The following EPS8 variants were observed in gnomAD, a reference collection of about 807,000 sequenced individuals.
EPS8 encodes the protein EGFR pathway substrate 8, signaling adaptor.
Under a neutral mutation model 103.8 loss-of-function variants are expected in EPS8, and 42 were observed. The ratio of observed to expected loss-of-function variants is 0.40; its 90% CI spans 0.32 to 0.52. EPS8 has a LOEUF of 0.52. Ranked by LOEUF, EPS8 falls within the 20% of genes least tolerant of loss-of-function variation. EPS8 has a pLI of 0.40. For synonymous variants in EPS8, 344 were observed against 344.6 expected (o/e 1.00, Z 0.02); for missense variants, 969 against 1,005.1 (o/e 0.96, Z 0.49).
intron 1 of EPS8, among the ~76,000 whole-genome samples, chr12:15,694,074 G>GAAACA (rs1446716263): frequency 6.6e-6 from 1 of 152,142 alleles, no homozygotes; most frequent in Non-Finnish European, 1.5e-5. Context: ...TTCAAAAAAT[G>GAAACA]AAACAAATGT....
At chr12:15,667,860 TC>T (rs1199719026) in intron 6 of EPS8, among the ~76,000 whole-genome samples, 2 of 152,132 alleles carry the variant, frequency 1.3e-5, no homozygotes, top group Non-Finnish European at 2.9e-5. Flanking sequence ...AAAACTATAT[TC>T]AGTAAATACA....
chr12:15,678,311 T>C, intron 3 of EPS8, among the ~76,000 whole-genome samples: 1 of 152,194 alleles, frequency 6.6e-6, no homozygotes, highest in South Asian at 2.1e-4. Flanking sequence ...GTACTGTGTG[T>C]ATGTCTTTGT....
At position 15,725,036 on chromosome 12, in the gene EPS8, C is replaced by A. The variant is rs1167855491; in HGVS notation, c.-21-42064G>T. Among the ~76,000 whole-genome samples, 1 of 152,004 alleles carries A rather than the reference C, an allele frequency of 6.6e-6. No homozygotes were observed. The highest frequency in any genetic ancestry group is 1.5e-5 in the Non-Finnish European group (1 of 67,980). On this transcript the variant is annotated intron_variant, in intron 1 of 20. Transcript: ENST00000281172. This position sits in a 1 kb window ranked among gnomAD's most constrained non-coding sequence, Gnocchi z 4.5. ...TTATGTCACAATGAAAAAAATTCAACATCCACAGATCACTCACTCCTAGGT... is the reference window on the plus strand; with the variant it reads ...TTATGTCACAATGAAAAAAATTCAAAATCCACAGATCACTCACTCCTAGGT...
At chr12:15,672,936 T>C (rs751389050) in intron 3 of EPS8, among the ~76,000 whole-genome samples, 70 of 152,188 alleles carry the variant, frequency 4.6e-4, no homozygotes, top group Non-Finnish European at 7.9e-4. Flanking sequence ...GATGTTCAAA[T>C]GCTTTGTCTT....
intron 16 of EPS8, among the ~76,000 whole-genome samples, chr12:15,641,190 GT>G (rs1398615752): frequency 6.6e-6 from 1 of 152,038 alleles, no homozygotes; most frequent in Non-Finnish European, 1.5e-5. Flanking sequence ...GAAAGAAAAA[GT>G]ATATAAAAAT....
chr12:15,635,876 G>T (rs1945125506), intron 17 of EPS8, among the ~76,000 whole-genome samples: 1 of 152,080 alleles, frequency 6.6e-6, no homozygotes, highest in African/African-American at 2.4e-5. Context: ...GAAACGTTTT[G>T]TTGAATTCAC....
intron 17 of EPS8, among the ~76,000 whole-genome samples, chr12:15,636,131 G>C (rs116639804): frequency 0.014 from 2,146 of 152,218 alleles, 50 homozygotes; most frequent in African/African-American, 0.049. Context: ...AGAGGTCAGA[G>C]AATCAAGTCA....
intron 1 of EPS8, among the ~76,000 whole-genome samples, chr12:15,715,709 G>A (rs370280845): frequency 2.0e-5 from 3 of 151,796 alleles, no homozygotes; most frequent in Non-Finnish European, 1.5e-5. Flanking sequence ...GGCTGGTCTC[G>A]AAATCCTGAC....
rs1394907904 is a variant in EPS8 at position 15,706,830 on chromosome 12, C to G, written c.-21-23858G>C. Among the ~76,000 whole-genome samples, 3 of 151,934 alleles carry G rather than the reference C, an allele frequency of 2.0e-5. No homozygotes were observed. Among genetic ancestry groups the G allele is most frequent in the Non-Finnish European group, 4.4e-5 (3 of 67,984 alleles). ...CAACCTACTCTATTGTCTATGTGTA[C>G]AAGTTTTTTTTCTATTTTACATACT... On this transcript the variant is annotated intron_variant, in intron 1 of 20. Transcript: ENST00000281172. The surrounding 1 kb of genome is among the most constrained non-coding windows in gnomAD (Gnocchi z 5.2).
Position 15,623,203 on chromosome 12 carries a change from C to G in EPS8, c.2310G>C (p.Gly770=). The G allele has an allele frequency of 6.2e-7, 1 of 1,613,402 alleles. No individual in the cohort carries two copies. The highest frequency in any genetic ancestry group is 8.5e-7 in the Non-Finnish European group (1 of 1,179,692). ...KDELRTVCPE[G]ARVYSQITVQ... ...CAGTGATTTGGCTATAGACTCTCGC[C>G]CCTTCAGGGCAGACTGTCCTCAGTT... The change falls in exon 20 of 21, where the codon GGG becomes GGC. Residue 770 remains glycine, a synonymous_variant. Coordinates refer to ENST00000281172, the MANE Select transcript of EPS8 (RefSeq NM_004447.6).
chr12:15,741,480 G>A (rs1946822291), intron 1 of EPS8, among the ~76,000 whole-genome samples: 1 of 152,166 alleles, frequency 6.6e-6, no homozygotes, highest in Non-Finnish European at 1.5e-5. Flanking sequence ...GGTAGAAGGG[G>A]AAAGTGACTT....
chr12:15,695,004 T>C lies in EPS8; in HGVS notation c.-21-12032A>G, dbSNP rs1946224133. ...AATGCTCATTAAGTATTTTATTATG[T>C]CAGCCACTGTGCAAGCACTTTACAT... is the stretch of plus-strand genomic sequence containing the variant. On this transcript the variant is annotated intron_variant, in intron 1 of 20. Transcript: ENST00000281172. The surrounding 1 kb of genome is among the most constrained non-coding windows in gnomAD (Gnocchi z 5.0). 6.6e-6 allele frequency among the ~76,000 whole-genome samples: 1 copy of C among 152,198 alleles called. No individual in the cohort carries two copies.
At chr12:15,722,086 A>G (rs1946602498) in intron 1 of EPS8, among the ~76,000 whole-genome samples, 1 of 151,872 alleles carries the variant, frequency 6.6e-6, no homozygotes, top group Non-Finnish European at 1.5e-5. Context: ...TTCTCATTGA[A>G]GCCTTCTACA....
chr12:15,682,875 A>G lies in EPS8; in HGVS notation c.59+18T>C. 1 of 1,305,550 alleles carries G rather than the reference A, an allele frequency of 7.7e-7. No individual in the cohort carries two copies. The highest frequency in any genetic ancestry group is 1.1e-6 in the Non-Finnish European group (1 of 915,348). The allele number at this position is 1,305,550 out of a possible 1,614,324, so 80.9% of individuals were successfully genotyped here. A position where few individuals can be genotyped will look rare whatever the true frequency, so the allele number is the denominator to read the frequency against. On this transcript the variant is annotated intron_variant, in intron 2 of 20. Coordinates refer to ENST00000281172, the MANE Select transcript of EPS8 (RefSeq NM_004447.6). ...CAAATTCCCCCAAAACATATTAAAT[A>G]TAAACTTTTCAACTTACTTCATCTG...
intron 1 of EPS8, among the ~76,000 whole-genome samples, chr12:15,770,572 T>C (rs557707696): frequency 6.6e-6 from 1 of 152,302 alleles, no homozygotes; most frequent in South Asian, 2.1e-4. Flanking sequence ...CTTTTTATTC[T>C]AAGAGCTCAG....
rs1188509409 is a variant in EPS8, at chr12:15,762,426, G to A, written c.-22+26735C>T. Among the ~76,000 whole-genome samples the A allele has an allele frequency of 1.3e-5, 2 of 152,116 alleles. No homozygotes were observed. Among genetic ancestry groups the A allele is most frequent in the East Asian group, 3.9e-4 (2 of 5,194 alleles). ...AGCTACATTATGATCCAGCAATCGC[G>A]CTGCTAGGTATAGACCCAAAAGAAA... On this transcript the variant is annotated intron_variant, in intron 1 of 20. Coordinates refer to ENST00000281172, the MANE Select transcript of EPS8 (RefSeq NM_004447.6). This position sits in a 1 kb window ranked among gnomAD's most constrained non-coding sequence, Gnocchi z 4.8.
chr12:15,776,274 G>A lies in EPS8; in HGVS notation c.-22+12887C>T, dbSNP rs913985061. On this transcript the variant is annotated intron_variant, in intron 1 of 20. Transcript: ENST00000281172. This position sits in a 1 kb window ranked among gnomAD's most constrained non-coding sequence, Gnocchi z 4.2. ...AGAAGCTTTTAAATGTAATTTTGGG[G>A]GGAAATAATACACTTCTGGCTGAAC... Among the ~76,000 whole-genome samples, 1 of 152,108 alleles carries A rather than the reference G, an allele frequency of 6.6e-6. No individual in the cohort carries two copies. Among genetic ancestry groups the A allele is most frequent in the African/African-American group, 2.4e-5 (1 of 41,426 alleles).
chr12:15,634,902 AC>A (rs1945109707), intron 17 of EPS8: 1 of 391,590 alleles, frequency 2.6e-6, no homozygotes, highest in Non-Finnish European at 4.5e-6. Context: ...CCCACAATCA[AC>A]CAGTGAAGGA....
chr12:15,644,712 A>C (rs987763888), intron 15 of EPS8, among the ~76,000 whole-genome samples: 6 of 152,156 alleles, frequency 3.9e-5, no homozygotes, highest in African/African-American at 1.2e-4. Context: ...AAAAAAAAAA[A>C]AACTGTTAAA....
Sources: allele counts gnomAD v4.1 joint callset (sites outside exome capture counted in the v4.1 genomes callset), GRCh38; gene constraint gnomAD v4.1.1; non-coding constraint Gnocchi (gnomAD v3.1); transcripts MANE v1.5; gene names NCBI Gene and HGNC (gene_info 2026-07-23, HGNC 2026-07-21).